The following THRB variants were observed in gnomAD, a reference collection of about 807,000 sequenced individuals.
The protein encoded by THRB is nuclear receptor subfamily 1 group A member 2.
Under a neutral mutation model 47.8 loss-of-function variants are expected in THRB, and 12 were observed. That is an observed-to-expected ratio of 0.25 (90% confidence interval 0.16 to 0.41). THRB has a LOEUF of 0.41. Among genes scored for constraint, THRB ranks in the 10% least tolerant of loss-of-function variants. The pLI is 1.00. For synonymous variants in THRB, 218 were observed against 212.2 expected (o/e 1.03, Z -0.24); for missense variants, 348 against 589.2 (o/e 0.59, Z 4.24).
At chr3:24,363,982 G>A (rs2064261295) in intron 1 of THRB, among the ~76,000 whole-genome samples, 1 of 152,126 alleles carries the variant, frequency 6.6e-6, no homozygotes, top group African/African-American at 2.4e-5. Context: ...GATGGATGGA[G>A]TCTGAGAAGT....
At chr3:24,157,453 GACA>G (rs1490861238) in intron 5 of THRB, among the ~76,000 whole-genome samples, 2 of 152,102 alleles carry the variant, frequency 1.3e-5, no homozygotes, top group Non-Finnish European at 2.9e-5. Context: ...CAGAAAAAGG[GACA>G]ACATGAGTTT....
At chr3:24,167,245 T>C (rs1361908232) in intron 5 of THRB, among the ~76,000 whole-genome samples, 1 of 152,146 alleles carries the variant, frequency 6.6e-6, no homozygotes, top group African/African-American at 2.4e-5. Context: ...GCAACTGATA[T>C]AAAACAAGCA....
At chr3:24,291,300 T>C (rs533186534) in intron 3 of THRB, among the ~76,000 whole-genome samples, 1 of 152,346 alleles carries the variant, frequency 6.6e-6, no homozygotes, top group Admixed American at 6.5e-5. Context: ...CACTTCCTTT[T>C]ATTAGCAAAT....
chr3:24,218,233 A>C (rs975072098), intron 4 of THRB, among the ~76,000 whole-genome samples: 2 of 151,580 alleles, frequency 1.3e-5, no homozygotes, highest in Admixed American at 6.6e-5. Context: ...GCGCCACTGC[A>C]CTCCAGCCTG....
rs539431107 is a variant in THRB, at chr3:24,460,029, C to A, written c.-261+34623G>T. Reference sequence around the variant, plus strand: ...ATCACTTGAAACCATATGGGTTAGGCAGTGCCTAATGTTTTACCTGCTGTC... The same window carrying A: ...ATCACTTGAAACCATATGGGTTAGGAAGTGCCTAATGTTTTACCTGCTGTC... On this transcript the variant is annotated intron_variant, in intron 1 of 10. Coordinates refer to ENST00000646209, the MANE Select transcript of THRB (RefSeq NM_001354712.2). Among the ~76,000 whole-genome samples, 672 of 152,256 alleles carry A rather than the reference C, an allele frequency of 4.4e-3. 4 individuals are homozygous for A. The highest frequency in any genetic ancestry group is 4.2e-3 in the Non-Finnish European group (285 of 68,016).
At chr3:24,469,785 G>A (rs1315240119) in intron 1 of THRB, among the ~76,000 whole-genome samples, 1 of 152,188 alleles carries the variant, frequency 6.6e-6, no homozygotes, top group East Asian at 1.9e-4. Context: ...TGAGGTACGA[G>A]TAAAGAATGG....
chr3:24,327,189 G>A (rs1370123125), intron 2 of THRB, among the ~76,000 whole-genome samples: 1 of 152,040 alleles, frequency 6.6e-6, no homozygotes, highest in African/African-American at 2.4e-5. Flanking sequence ...TCGGTAATTA[G>A]ACGATTTTGT....
At chr3:24,134,000 A>C (rs2034266484) in intron 8 of THRB, among the ~76,000 whole-genome samples, 1 of 152,192 alleles carries the variant, frequency 6.6e-6, no homozygotes, top group South Asian at 2.1e-4. Context: ...AGGTGGTCTC[A>C]GCTGAGGGTT....
At chr3:24,426,634 AATTG>A (rs1479319420) in intron 1 of THRB, among the ~76,000 whole-genome samples, 1 of 151,954 alleles carries the variant, frequency 6.6e-6, no homozygotes, top group Non-Finnish European at 1.5e-5. Flanking sequence ...CAGAACACTG[AATTG>A]ATTTTTAGAT....
chr3:24,390,139 G>A (rs2066448662), intron 1 of THRB, among the ~76,000 whole-genome samples: 1 of 152,088 alleles, frequency 6.6e-6, no homozygotes, highest in Non-Finnish European at 1.5e-5. Flanking sequence ...ATGACAACAT[G>A]CCAGAGGAAG....
At chr3:24,169,496 C>T (rs1192117116) in intron 5 of THRB, among the ~76,000 whole-genome samples, 1 of 151,852 alleles carries the variant, frequency 6.6e-6, no homozygotes, top group Non-Finnish European at 1.5e-5. Flanking sequence ...AACTTCTGGA[C>T]TTCTTTTTTT....
chr3:24,442,029 G>A (rs1361837495), intron 1 of THRB, among the ~76,000 whole-genome samples: 1 of 151,968 alleles, frequency 6.6e-6, no homozygotes, highest in Non-Finnish European at 1.5e-5. Flanking sequence ...GTAACTTTGT[G>A]GGCTAAATTT....
At chr3:24,219,945 A>T (rs1167455884) in intron 4 of THRB, among the ~76,000 whole-genome samples, 8 of 152,210 alleles carry the variant, frequency 5.3e-5, no homozygotes, top group Non-Finnish European at 1.0e-4. Flanking sequence ...AGGAGTTAAA[A>T]AAACAAAGCT....
chr3:24,342,417 C>A (rs2062729036), intron 1 of THRB, among the ~76,000 whole-genome samples: 2 of 152,148 alleles, frequency 1.3e-5, no homozygotes, highest in South Asian at 4.2e-4. Flanking sequence ...ATATTGGAGC[C>A]CTGGGGTGGG....
At chr3:24,248,085 G>T (rs2050285801) in intron 3 of THRB, among the ~76,000 whole-genome samples, 1 of 152,058 alleles carries the variant, frequency 6.6e-6, no homozygotes, top group Admixed American at 6.6e-5. Context: ...TTCAGTAAAG[G>T]TTACATGGTT....
At chr3:24,380,045 T>C (rs1392756370) in intron 1 of THRB, among the ~76,000 whole-genome samples, 1 of 151,088 alleles carries the variant, frequency 6.6e-6, no homozygotes, top group Admixed American at 6.6e-5. Flanking sequence ...ATGATGTTCT[T>C]ATAAATATTG....
intron 2 of THRB, among the ~76,000 whole-genome samples, chr3:24,317,405 A>C (rs968063829): frequency 4.6e-5 from 7 of 152,198 alleles, no homozygotes; most frequent in African/African-American, 1.7e-4. Flanking sequence ...TGTTGTGCTC[A>C]CGGCAGAAGG....
chr3:24,383,654 C>T (rs902963470), intron 1 of THRB, among the ~76,000 whole-genome samples: 3 of 152,254 alleles, frequency 2.0e-5, no homozygotes, highest in Non-Finnish European at 2.9e-5. Flanking sequence ...TAACACAATT[C>T]TCTTTTCTTG....
At chr3:24,123,246 G>A (rs2032035640) in intron 10 of THRB, 121 bp from the exon 11 acceptor site, 1 of 1,436,444 alleles carries the variant, frequency 7.0e-7, no homozygotes, top group South Asian at 1.2e-5. Flanking sequence ...TTAGCCATGA[G>A]CATGGATGCA....
Sources: allele counts gnomAD v4.1 joint callset (sites outside exome capture counted in the v4.1 genomes callset), GRCh38; gene constraint gnomAD v4.1.1; transcripts MANE v1.5; gene names NCBI Gene and HGNC (gene_info 2026-07-23, HGNC 2026-07-21).